The following ZNF407 variants were observed in gnomAD, a reference collection of about 807,000 sequenced individuals.
ZNF407 encodes zinc finger protein 407.
ZNF407 carries 17 observed loss-of-function variants against 131.2 expected under a neutral mutation model. The observed-to-expected ratio is 0.13, with a 90% confidence interval of 0.09 to 0.19. The LOEUF is 0.19. Among genes scored for constraint, ZNF407 ranks in the 10% least tolerant of loss-of-function variants. The pLI is 1.00. For missense variants in ZNF407, 2,681 were observed against 2,830.6 expected, an observed-to-expected ratio of 0.95 and a Z score of 1.20; for synonymous variants, 1,156 against 1,062.0, an observed-to-expected ratio of 1.09 and a Z score of -1.72.
At chr18:74,650,935 G>T (rs953206257) in intron 3 of ZNF407, among the ~76,000 whole-genome samples, 1 of 151,786 alleles carries the variant, frequency 6.6e-6, no homozygotes, top group Non-Finnish European at 1.5e-5. Context: ...GTGTGTGTGT[G>T]TCTATCTATC....
At chr18:74,949,746 A>G (rs1319157810) in intron 8 of ZNF407, among the ~76,000 whole-genome samples, 1 of 152,106 alleles carries the variant, frequency 6.6e-6, no homozygotes, top group African/African-American at 2.4e-5. Context: ...AAGCAGTGGT[A>G]TTCCCTGCTG....
intron 3 of ZNF407, among the ~76,000 whole-genome samples, chr18:74,779,090 T>TGC (rs1969537642): frequency 7.8e-5 from 1 of 12,890 alleles, no homozygotes; most frequent in Non-Finnish European, 2.5e-4. Flanking sequence ...ATGCTTGGCA[T>TGC]ATATATATAT....
intron 4 of ZNF407, among the ~76,000 whole-genome samples, chr18:74,819,996 G>C (rs2145100409): frequency 6.6e-6 from 1 of 152,296 alleles, no homozygotes; most frequent in Non-Finnish European, 1.5e-5. Context: ...GTGAATGAGA[G>C]AGCTGGTATT....
At chr18:74,742,232 T>G (rs1243462799) in intron 3 of ZNF407, among the ~76,000 whole-genome samples, 5 of 152,188 alleles carry the variant, frequency 3.3e-5, no homozygotes, top group Non-Finnish European at 7.4e-5. Flanking sequence ...AAGGAACTAT[T>G]ACATAAGGGA....
intron 4 of ZNF407, among the ~76,000 whole-genome samples, chr18:74,784,201 G>A (rs1969662017): frequency 6.6e-6 from 1 of 152,130 alleles, no homozygotes; most frequent in South Asian, 2.1e-4. Flanking sequence ...CAAGCTTGCT[G>A]TATTTTAATT....
At chr18:74,846,039 G>T (rs570817959) in intron 4 of ZNF407, among the ~76,000 whole-genome samples, 2 of 152,208 alleles carry the variant, frequency 1.3e-5, no homozygotes, top group Non-Finnish European at 2.9e-5. Flanking sequence ...TGGCTCTTTT[G>T]TATGCAACTT....
intron 3 of ZNF407, among the ~76,000 whole-genome samples, chr18:74,673,314 C>A (rs1395560726): frequency 2.6e-5 from 4 of 152,182 alleles, no homozygotes; most frequent in African/African-American, 9.7e-5. Flanking sequence ...AAGGCGTCAA[C>A]AGAGTTGGTT....
At chr18:74,738,175 A>G (rs997947708) in intron 3 of ZNF407, among the ~76,000 whole-genome samples, 1 of 152,122 alleles carries the variant, frequency 6.6e-6, no homozygotes, top group African/African-American at 2.4e-5. Flanking sequence ...TAATCCCAGC[A>G]CTTTGGGAGG....
chr18:74,920,904 A>G (rs575038024), intron 8 of ZNF407: 1 of 1,229,412 alleles, frequency 8.1e-7, no homozygotes, highest in East Asian at 3.2e-5. Context: ...AAAAAAGGAA[A>G]TCTGACAGAG....
chr18:75,046,358 C>T (rs1262188388), intron 8 of ZNF407, among the ~76,000 whole-genome samples: 1 of 152,146 alleles, frequency 6.6e-6, no homozygotes, highest in African/African-American at 2.4e-5. Flanking sequence ...AGGGAGCTTG[C>T]AGACATCGAA....
intron 8 of ZNF407, among the ~76,000 whole-genome samples, chr18:74,936,556 C>T (rs1370606208): frequency 6.6e-6 from 1 of 152,156 alleles, no homozygotes; most frequent in Non-Finnish European, 1.5e-5. Context: ...CAGCTGTGCC[C>T]ACCTCCTGAG....
intron 4 of ZNF407, among the ~76,000 whole-genome samples, chr18:74,786,663 G>A (rs1969718953): frequency 6.6e-6 from 1 of 151,502 alleles, no homozygotes; most frequent in African/African-American, 2.4e-5. Context: ...ATGACGTACT[G>A]CTTTTGCATG....
rs1352571411 is a variant in ZNF407, at chr18:74,833,841, A to G, written c.4878-43356A>G. Among the ~76,000 whole-genome samples, 8 of 152,256 alleles carry G rather than the reference A, an allele frequency of 5.3e-5. No individual in the cohort carries two copies. The East Asian group carries it at 1.5e-3, about 29-fold the overall frequency. On this transcript the variant is annotated intron_variant, in intron 4 of 8. Coordinates refer to ENST00000299687, the MANE Select transcript of ZNF407 (RefSeq NM_017757.3). Reference sequence around the variant, plus strand: ...TAGGTGGATGGTGGCTCCATTGACCAAGATGGCAAGGCTGGGGGAAAAGCA... The same window carrying G: ...TAGGTGGATGGTGGCTCCATTGACCGAGATGGCAAGGCTGGGGGAAAAGCA...
At chr18:74,867,003 A>AT (rs977188927) in intron 4 of ZNF407, among the ~76,000 whole-genome samples, 1 of 149,990 alleles carries the variant, frequency 6.7e-6, no homozygotes, top group African/African-American at 2.4e-5. Context: ...AAAAAAAAAA[A>AT]AAAAAAGGAA....
intron 3 of ZNF407, among the ~76,000 whole-genome samples, chr18:74,741,854 G>A (rs1968558399): frequency 6.6e-6 from 1 of 152,036 alleles, no homozygotes; most frequent in African/African-American, 2.4e-5. Flanking sequence ...AATCTGTCAT[G>A]CTCTATGAAA....
At chr18:74,844,369 G>A (rs1007565960) in intron 4 of ZNF407, among the ~76,000 whole-genome samples, 1 of 152,080 alleles carries the variant, frequency 6.6e-6, no homozygotes, top group Non-Finnish European at 1.5e-5. Context: ...GCTTCCCTCA[G>A]GACTTCAGAT....
rs953648152 is a variant in ZNF407 at position 74,644,210 on chromosome 18, TCTTA to T, written c.4802+3092_4802+3095del. Among the ~76,000 whole-genome samples, 5 of 150,832 alleles carry T rather than the reference TCTTA, an allele frequency of 3.3e-5. 1 individual carries two copies. Among genetic ancestry groups the T allele is most frequent in the Middle Eastern group, 6.8e-3 (2 of 292 alleles). On this transcript the variant is annotated intron_variant, in intron 3 of 8. Transcript: ENST00000299687. Reference sequence around the variant, plus strand: ...TTTTTTTTTTTTGAAAAGTTGAGTTTCTTACTTGTTAAAAATATCCAAATGTGAT... The same window carrying T: ...TTTTTTTTTTTTGAAAAGTTGAGTTTCTTGTTAAAAATATCCAAATGTGAT...
chr18:74,945,929 T>C (rs1226272093), intron 8 of ZNF407, among the ~76,000 whole-genome samples: 2 of 152,170 alleles, frequency 1.3e-5, no homozygotes, highest in African/African-American at 2.4e-5. Context: ...CTGATCACCC[T>C]TAAAACTGTG....
rs780582878 is a variant in ZNF407, at chr18:74,926,429, T to G, written c.5428+5737T>G. Among the ~76,000 whole-genome samples, 4 of 152,360 alleles carry G rather than the reference T, an allele frequency of 2.6e-5. No homozygotes were observed. The East Asian group carries it at 7.7e-4, about 29-fold the overall frequency. On this transcript the variant is annotated intron_variant, in intron 8 of 8. Transcript: ENST00000299687. ...ATACTGTTTACTGAGAAGCAGATCT[T>G]TGACCTGACCTCCACCTCTTTTTTC...
Sources: gnomAD v4.1 joint callset for allele counts (sites outside exome capture counted in the v4.1 genomes callset) on GRCh38, gnomAD v4.1.1 for gene constraint, MANE v1.5 for transcripts, NCBI Gene and HGNC (gene_info 2026-07-23, HGNC 2026-07-21) for gene names.